RIOK3: variants seen among roughly 807,000 people sequenced by gnomAD.
RIOK3 encodes RIO kinase 3, also known as serine/threonine-protein kinase RIO3.
A neutral mutation model predicts 63.5 loss-of-function variants in RIOK3; 40 were observed. That is an observed-to-expected ratio of 0.63 (90% CI 0.49 to 0.82). RIOK3 has a LOEUF of 0.82. RIOK3 is among the 40% of genes least tolerant of loss of function. RIOK3 has a pLI of 0.00. For synonymous variants in RIOK3, 193 were observed against 205.0 expected (o/e 0.94, Z 0.50); for missense variants, 557 against 637.0 (o/e 0.87, Z 1.35).
intron 7 of RIOK3, among the ~76,000 whole-genome samples, chr18:23,469,205 C>G (rs1283821318): frequency 6.6e-6 from 1 of 152,120 alleles, no homozygotes; most frequent in African/African-American, 2.4e-5. Context: ...GAGTGGCTAT[C>G]CCACACATGC....
intron 5 of RIOK3, among the ~76,000 whole-genome samples, chr18:23,465,033 C>A (rs993940155): frequency 1.8e-4 from 27 of 152,084 alleles, no homozygotes. Flanking sequence ...TTATCTTGTG[C>A]CTGAACTACC....
rs2057394197 is a variant in RIOK3 at position 23,464,616 on chromosome 18, A to G, written c.531A>G (p.Ala177=). The change falls in exon 5 of 13, where the codon GCA becomes GCG. Residue 177 remains alanine, a synonymous_variant. Transcript: ENST00000339486. ...TAGTATGTGGGAGAAAGAACACAGC[A>G]AGAATGGAAAATGTAAGTTACAGAA... ...DEVVCGRKNT[A]RMENFAPEFQ... 9 of 1,575,658 alleles carry G rather than the reference A, an allele frequency of 5.7e-6. No individual in the cohort carries two copies. Among genetic ancestry groups the G allele is most frequent in the Non-Finnish European group, 7.8e-6 (9 of 1,161,126 alleles).
Position 23,475,064 on chromosome 18 carries a change from T to A in RIOK3, c.1130T>A (p.Leu377His). 6.2e-7 allele frequency: 1 copy of A among 1,613,442 alleles called. No individual in the cohort carries two copies. Among genetic ancestry groups the A allele is most frequent in the East Asian group, 2.2e-5 (1 of 44,842 alleles). Residue 377 changes from leucine (L) to histidine (H), a missense_variant, in exon 9 of 13, where the codon CTC becomes CAC. Coordinates refer to ENST00000339486, the MANE Select transcript of RIOK3 (RefSeq NM_003831.5). ...GCCCCTAAATTAAAAGAAGTAAAGC[T>A]CAATAGTGAAGAAATGAAAGAAGCC... ...VPAPKLKEVKLNSEEMKEAYY... is the reference protein window; with the variant it reads ...VPAPKLKEVKHNSEEMKEAYY...
chr18:23,481,205 G>C lies in RIOK3; in HGVS notation c.1486G>C (p.Val496Leu). Residue 496 changes from valine (V) to leucine (L), a missense_variant, in exon 13 of 13, where the codon GTT becomes CTT. This residue lies in a region of RIOK3 where 309 missense variants were observed against 338.7 expected (regional missense o/e 0.91). Coordinates refer to ENST00000339486, the MANE Select transcript of RIOK3 (RefSeq NM_003831.5). ...TTTGGAGAAAATGAATGAAGATCAC[G>C]TTCAGAAGAATGGAAGGAAAGCTGC... is the stretch of plus-strand genomic sequence containing the variant. ...EALEKMNEDH[V>L]QKNGRKAASF... is the part of the protein sequence containing the mutation. 6.2e-7 allele frequency: 1 copy of C among 1,612,324 alleles called. No homozygotes were observed. The highest frequency in any genetic ancestry group is 8.5e-7 in the Non-Finnish European group (1 of 1,178,976).
chr18:23,466,192 T>C lies in RIOK3; in HGVS notation c.603T>C (p.His201=). 6 of 1,611,378 alleles carry C rather than the reference T, an allele frequency of 3.7e-6. No individual in the cohort carries two copies. The highest frequency in any genetic ancestry group is 5.1e-6 in the Non-Finnish European group (6 of 1,178,974). The change falls in exon 6 of 13, where the codon CAT becomes CAC. Residue 201 remains histidine, a synonymous_variant. Coordinates refer to ENST00000339486, the MANE Select transcript of RIOK3 (RefSeq NM_003831.5). ...GAATGGATTTAAAACTATCAAACCA[T>C]GTTTTCAATGCTTTAAAACAACATG... ...GIGMDLKLSN[H]VFNALKQHAY... is the part of the protein sequence containing the mutation.
intron 5 of RIOK3, among the ~76,000 whole-genome samples, chr18:23,464,900 C>T (rs1350112686): frequency 6.6e-6 from 1 of 151,718 alleles, no homozygotes; most frequent in Non-Finnish European, 1.5e-5. Context: ...AACATTTATT[C>T]TTCATCATAT....
intron 1 of RIOK3, among the ~76,000 whole-genome samples, chr18:23,462,017 G>A (rs2057374644): frequency 1.3e-5 from 2 of 150,626 alleles, no homozygotes; most frequent in East Asian, 2.0e-4. Context: ...TTGAACCCGG[G>A]GAGGTGGAGA....
intron 1 of RIOK3, among the ~76,000 whole-genome samples, chr18:23,461,424 A>G (rs1042619087): frequency 3.9e-5 from 6 of 152,222 alleles, no homozygotes; most frequent in Non-Finnish European, 1.5e-5. Context: ...AGTGTGAAGA[A>G]TGGAAACTAC....
At chr18:23,472,098 T>C (rs535144394) in intron 7 of RIOK3, among the ~76,000 whole-genome samples, 1 of 152,092 alleles carries the variant, frequency 6.6e-6, no homozygotes, top group South Asian at 2.1e-4. Context: ...CCGGGCGTGG[T>C]GGCATGCACG....
chr18:23,481,347 T>C lies in RIOK3; in HGVS notation c.*68T>C, dbSNP rs2057533199. 3 of 1,014,370 alleles carry C rather than the reference T, an allele frequency of 3.0e-6. No homozygotes were observed. Among genetic ancestry groups the C allele is most frequent in the Admixed American group, 2.5e-5 (1 of 40,126 alleles). The allele number at this position is 1,014,370 out of a possible 1,614,324, so 62.8% of individuals were successfully genotyped here. A position where few individuals can be genotyped will look rare whatever the true frequency, so the allele number is the denominator to read the frequency against. On this transcript the variant is annotated 3_prime_UTR_variant, in exon 13 of 13. Coordinates refer to ENST00000339486, the MANE Select transcript of RIOK3 (RefSeq NM_003831.5). ...CAGCTGCCAATAGCAAATGAAGTTA[T>C]GGGTGACTTGAAATACCAAAACCTG...
chr18:23,479,550 T>C, intron 12 of RIOK3, 126 bp downstream of exon 12: 1 of 595,192 alleles, frequency 1.7e-6, no homozygotes, highest in Non-Finnish European at 3.0e-6. Context: ...AGATTTTTCT[T>C]TTCTTAAGAT....
At chr18:23,458,378 C>G (rs2145669713) in intron 1 of RIOK3, among the ~76,000 whole-genome samples, 1 of 152,164 alleles carries the variant, frequency 6.6e-6, no homozygotes, top group South Asian at 2.1e-4. Context: ...TGAAGAACCC[C>G]AAGGAACAGA....
In RIOK3 at chr18:23,463,958, T is replaced by A; in HGVS notation, c.180-9T>A. 6.3e-7 allele frequency: 1 copy of A among 1,595,036 alleles called. No homozygotes were observed. Among genetic ancestry groups the A allele is most frequent in the Non-Finnish European group, 8.5e-7 (1 of 1,173,626 alleles). Reference sequence around the variant, plus strand: ...ATTACATTAGTTTATATTGCCTTATTTTGAATAGTGTTGCTGAAGGACCAT... The same window carrying A: ...ATTACATTAGTTTATATTGCCTTATATTGAATAGTGTTGCTGAAGGACCAT... On this transcript the variant is annotated splice_polypyrimidine_tract_variant and intron_variant, in intron 2 of 12. Coordinates refer to ENST00000339486, the MANE Select transcript of RIOK3 (RefSeq NM_003831.5).
Position 23,463,937 on chromosome 18 carries a change from C to T in RIOK3, c.180-30C>T, listed in dbSNP as rs368949157. The T allele has an allele frequency of 3.2e-6, 5 of 1,569,600 alleles. No individual in the cohort carries two copies. The African/African-American group carries it at 6.8e-5, about 21-fold the overall frequency. On this transcript the variant is annotated intron_variant, in intron 2 of 12. Transcript: ENST00000339486. ...AACCTCTGTTTACTTAAGCACATTA[C>T]ATTAGTTTATATTGCCTTATTTTGA...
At chr18:23,461,773 T>A (rs2057373116) in intron 1 of RIOK3, among the ~76,000 whole-genome samples, 1 of 152,042 alleles carries the variant, frequency 6.6e-6, no homozygotes, top group African/African-American at 2.4e-5. Context: ...AAGAGCCTGT[T>A]TCTCAGCTTC....
intron 11 of RIOK3, among the ~76,000 whole-genome samples, chr18:23,478,246 T>A (rs2057506785): frequency 6.6e-6 from 1 of 152,076 alleles, no homozygotes; most frequent in Admixed American, 6.6e-5. Context: ...TGGGACAGTG[T>A]CTGATCACTG....
chr18:23,459,367 G>A (rs1275753274), intron 1 of RIOK3, among the ~76,000 whole-genome samples: 1 of 152,178 alleles, frequency 6.6e-6, no homozygotes, highest in Non-Finnish European at 1.5e-5. Context: ...TACTGCTCAG[G>A]AAATACTGGA....
At chr18:23,468,657 G>T (rs535464085) in intron 7 of RIOK3, among the ~76,000 whole-genome samples, 63 of 152,180 alleles carry the variant, frequency 4.1e-4, no homozygotes, top group Non-Finnish European at 7.8e-4. Context: ...TGGTGGAATT[G>T]GTATCATAAT....
intron 9 of RIOK3, among the ~76,000 whole-genome samples, chr18:23,475,963 T>C (rs1004590447): frequency 5.5e-5 from 6 of 109,622 alleles, no homozygotes; most frequent in East Asian, 3.1e-4. Context: ...TTTTTTTTTT[T>C]CAAATAAGAG....
Sources: allele counts gnomAD v4.1 joint callset (sites outside exome capture counted in the v4.1 genomes callset), GRCh38; gene constraint gnomAD v4.1.1; regional missense constraint gnomAD v4.1.1; transcripts MANE v1.5; gene names NCBI Gene and HGNC (gene_info 2026-07-23, HGNC 2026-07-21).